Variants in STK4 observed in about 807,000 individuals in gnomAD.
STK4 encodes serine/threonine kinase 4.
Under a neutral mutation model 64.9 loss-of-function variants are expected in STK4, and 30 were observed. The observed-to-expected ratio is 0.46, with a 90% CI of 0.35 to 0.63. STK4 has a LOEUF of 0.63. Among genes scored for constraint, STK4 ranks in the 20% least tolerant of loss-of-function variants. The pLI, the probability that STK4 is intolerant of heterozygous loss-of-function variation, is 0.01. For synonymous variants in STK4, 177 were observed against 199.0 expected, an observed-to-expected ratio of 0.89 and a Z score of 0.93; for missense variants, 466 against 598.5, an observed-to-expected ratio of 0.78 and a Z score of 2.31.
At chr20:45,014,570 A>G (rs2068108473) in intron 9 of STK4, among the ~76,000 whole-genome samples, 1 of 152,218 alleles carries the variant, frequency 6.6e-6, no homozygotes, top group South Asian at 2.1e-4. Flanking sequence ...AAAGATAACA[A>G]AAACATTTTG....
intron 10 of STK4, among the ~76,000 whole-genome samples, chr20:45,062,881 A>G (rs1179028557): frequency 3.7e-5 from 5 of 135,896 alleles, no homozygotes; most frequent in Non-Finnish European, 6.2e-5. Context: ...TAGTAGAGAC[A>G]GGGTTTCACC....
intron 5 of STK4, among the ~76,000 whole-genome samples, chr20:44,989,263 G>A (rs34654732): frequency 0.25 from 38,636 of 151,908 alleles, 5,609 homozygotes; most frequent in Middle Eastern, 0.43. Flanking sequence ...CTGCATCCTC[G>A]CCAACATTTT....
intron 1 of STK4, among the ~76,000 whole-genome samples, chr20:44,971,311 A>G (rs191165067): frequency 2.0e-5 from 3 of 152,308 alleles, no homozygotes; most frequent in African/African-American, 4.8e-5. Context: ...AAAGGTATGT[A>G]TCTACTCATA....
At chr20:45,060,465 T>C (rs1199674161) in intron 10 of STK4, among the ~76,000 whole-genome samples, 1 of 151,970 alleles carries the variant, frequency 6.6e-6, no homozygotes, top group African/African-American at 2.4e-5. Flanking sequence ...AAGTTTTTTT[T>C]CCCATAGACT....
intron 10 of STK4, among the ~76,000 whole-genome samples, chr20:45,071,235 A>G (rs1280890455): frequency 6.6e-6 from 1 of 152,252 alleles, no homozygotes; most frequent in African/African-American, 2.4e-5. Flanking sequence ...TCGTGAAAAC[A>G]GCTCAAGCTA....
chr20:45,025,177 T>G (rs772506656), intron 10 of STK4, 47 bp downstream of exon 10: 2 of 1,568,652 alleles, frequency 1.3e-6, no homozygotes, highest in South Asian at 2.4e-5. Flanking sequence ...GGGAAGTTAT[T>G]TGAAATATCA....
At chr20:45,044,811 T>C (rs1289190581) in intron 10 of STK4, among the ~76,000 whole-genome samples, 1 of 152,198 alleles carries the variant, frequency 6.6e-6, no homozygotes, top group East Asian at 1.9e-4. Context: ...GCTGGGACCT[T>C]GGGTGAGTCA....
intron 10 of STK4, among the ~76,000 whole-genome samples, chr20:45,061,171 C>T (rs1332084342): frequency 1.3e-5 from 2 of 152,152 alleles, no homozygotes; most frequent in Non-Finnish European, 2.9e-5. Flanking sequence ...TTTGTGAATT[C>T]CATAGCAAGT....
At chr20:45,029,107 A>AAGC (rs1223652499) in intron 10 of STK4, among the ~76,000 whole-genome samples, 1 of 152,220 alleles carries the variant, frequency 6.6e-6, no homozygotes, top group Non-Finnish European at 1.5e-5. Context: ...CTTATGTTAA[A>AAGC]AACTTATGAG....
intron 9 of STK4, among the ~76,000 whole-genome samples, chr20:45,022,620 T>A (rs2068268216): frequency 6.6e-6 from 1 of 152,230 alleles, no homozygotes; most frequent in Admixed American, 6.5e-5. Flanking sequence ...ATGTTATCTT[T>A]AGTGTTTCAT....
chr20:45,011,729 A>ATATATATATATATATATATATATTTTT (rs60170856), intron 9 of STK4, among the ~76,000 whole-genome samples: 2 of 115,388 alleles, frequency 1.7e-5, no homozygotes, highest in African/African-American at 7.3e-5. Context: ...ATATATATAT[A>ATATATATATATATATATATATATTTTT]TTTTTTTTTT....
chr20:45,011,746 T>A (rs1239197287), intron 9 of STK4, among the ~76,000 whole-genome samples: 2 of 139,434 alleles, frequency 1.4e-5, no homozygotes, highest in East Asian at 4.0e-4. Context: ...TTTTTTTTTT[T>A]AAGTCAAGTT....
At chr20:44,968,241 G>A (rs1461518354) in intron 1 of STK4, among the ~76,000 whole-genome samples, 2 of 152,040 alleles carry the variant, frequency 1.3e-5, no homozygotes, top group African/African-American at 2.4e-5. Context: ...GGGTTCAAGC[G>A]ATTCTCCTGC....
intron 9 of STK4, among the ~76,000 whole-genome samples, chr20:45,011,737 T>A (rs868844251): frequency 0.045 from 3,199 of 71,372 alleles, 90 homozygotes; most frequent in East Asian, 0.14. Context: ...ATATTTTTTT[T>A]TTTTTTTTTA....
intron 6 of STK4, among the ~76,000 whole-genome samples, chr20:44,996,339 G>A (rs1012649916): frequency 6.6e-6 from 1 of 151,700 alleles, no homozygotes; most frequent in Non-Finnish European, 1.5e-5. Flanking sequence ...ACACCCCCCC[G>A]CCAACCCTGC....
intron 9 of STK4, among the ~76,000 whole-genome samples, chr20:45,022,651 A>C (rs1294517251): frequency 6.6e-6 from 1 of 152,232 alleles, no homozygotes; most frequent in Non-Finnish European, 1.5e-5. Context: ...TTAAAGATTC[A>C]ATTTCTTAAG....
intron 1 of STK4, among the ~76,000 whole-genome samples, chr20:44,968,616 G>A (rs940149628): frequency 6.6e-6 from 1 of 152,164 alleles, no homozygotes; most frequent in African/African-American, 2.4e-5. Flanking sequence ...CCGAGGCCTT[G>A]GTTTAATTGA....
At chr20:45,032,723 A>C (rs894798207) in intron 10 of STK4, among the ~76,000 whole-genome samples, 1 of 152,300 alleles carries the variant, frequency 6.6e-6, no homozygotes, top group East Asian at 1.9e-4. Context: ...ATAGTACTGC[A>C]GCGAACACAA....
intron 10 of STK4, among the ~76,000 whole-genome samples, chr20:45,052,387 T>A (rs1978291523): frequency 6.6e-6 from 1 of 152,238 alleles, no homozygotes; most frequent in Non-Finnish European, 1.5e-5. Flanking sequence ...AATCTTGATT[T>A]TTTTTCACTT....
Sources: allele counts gnomAD v4.1 joint callset (sites outside exome capture counted in the v4.1 genomes callset), GRCh38; gene constraint gnomAD v4.1.1; transcripts MANE v1.5; gene names NCBI Gene and HGNC (gene_info 2026-07-23, HGNC 2026-07-21).